Variants in NUBPL observed in about 807,000 individuals in gnomAD.
The protein encoded by NUBPL is NUBP iron-sulfur cluster assembly factor, mitochondrial.
Under a neutral mutation model 45.7 loss-of-function variants are expected in NUBPL, and 31 were observed. The ratio of observed to expected loss-of-function variants is 0.68; its 90% CI spans 0.51 to 0.92. The LOEUF (loss-of-function observed/expected upper bound fraction) is 0.92. Ranked by LOEUF, NUBPL falls within the 40% of genes least tolerant of loss-of-function variation. NUBPL has a pLI of 0.00. For synonymous variants in NUBPL, 144 were observed against 140.9 expected (o/e 1.02, Z -0.15); for missense variants, 401 against 398.7 (o/e 1.01, Z -0.05).
In NUBPL at chr14:31,650,137, G is replaced by T. The variant is rs116618637; in HGVS notation, c.383-23218G>T. Among the ~76,000 whole-genome samples, 860 of 152,176 alleles carry T rather than the reference G, an allele frequency of 5.7e-3. 10 individuals are homozygous for T. Among genetic ancestry groups the T allele is most frequent in the African/African-American group, 0.019 (808 of 41,526 alleles). On this transcript the variant is annotated intron_variant, in intron 4 of 10. Transcript: ENST00000281081. ...GCCTCCCAAGATTCACTTTTTCAGG[G>T]ATAATCATGTTGTCAAAAATATTAG...
At chr14:31,627,900 AC>A (rs2035248902) in intron 4 of NUBPL, among the ~76,000 whole-genome samples, 1 of 152,174 alleles carries the variant, frequency 6.6e-6, no homozygotes, top group Admixed American at 6.5e-5. Flanking sequence ...AGGCCCATAA[AC>A]TTGTTAATGT....
At chr14:31,699,152 G>A (rs1455098011) in intron 6 of NUBPL, among the ~76,000 whole-genome samples, 1 of 152,178 alleles carries the variant, frequency 6.6e-6, no homozygotes, top group African/African-American at 2.4e-5. Context: ...ACTGTGCCTG[G>A]CCCATAATGA....
intron 6 of NUBPL, among the ~76,000 whole-genome samples, chr14:31,770,307 C>A (rs1429203257): frequency 6.6e-6 from 1 of 152,084 alleles, no homozygotes; most frequent in East Asian, 1.9e-4. Context: ...CATAGTTTGG[C>A]AGGCAGGGTG....
intron 6 of NUBPL, among the ~76,000 whole-genome samples, chr14:31,746,446 T>C (rs936433721): frequency 6.6e-6 from 1 of 152,022 alleles, no homozygotes; most frequent in Non-Finnish European, 1.5e-5. Context: ...GTTGAGATGA[T>C]CATATAGTTT....
chr14:31,700,721 C>T (rs1053271636), intron 6 of NUBPL, among the ~76,000 whole-genome samples: 8 of 152,296 alleles, frequency 5.3e-5, no homozygotes, highest in African/African-American at 1.9e-4. Context: ...CTGGGTCCTC[C>T]AGCACTGCCG....
intron 7 of NUBPL, among the ~76,000 whole-genome samples, chr14:31,811,720 C>G (rs1038714813): frequency 2.0e-5 from 3 of 152,098 alleles, no homozygotes; most frequent in Non-Finnish European, 4.4e-5. Context: ...AGAATTTTTA[C>G]CTTTTCTGCT....
chr14:31,677,985 A>T (rs1293384250), intron 6 of NUBPL, among the ~76,000 whole-genome samples: 2 of 152,194 alleles, frequency 1.3e-5, no homozygotes, highest in Non-Finnish European at 2.9e-5. Flanking sequence ...GTGTTCTGTT[A>T]TACTGCTGCT....
At chr14:31,774,458 C>T (rs2039063606) in intron 6 of NUBPL, among the ~76,000 whole-genome samples, 1 of 152,138 alleles carries the variant, frequency 6.6e-6, no homozygotes, top group Admixed American at 6.5e-5. Context: ...CTTGTGTTCC[C>T]AGAATCTTTC....
intron 8 of NUBPL, among the ~76,000 whole-genome samples, chr14:31,841,938 T>TTG (rs2040381277): frequency 7.7e-6 from 1 of 130,382 alleles, no homozygotes; most frequent in East Asian, 2.1e-4. Flanking sequence ...TTTTTTTTTT[T>TTG]TTTTTTTTTT....
At chr14:31,672,110 C>T (rs1412410676) in intron 4 of NUBPL, among the ~76,000 whole-genome samples, 1 of 152,082 alleles carries the variant, frequency 6.6e-6, no homozygotes, top group African/African-American at 2.4e-5. Context: ...GATTTTTTTA[C>T]TTCACTATAA....
chr14:31,632,506 A>G (rs1178315838), intron 4 of NUBPL, among the ~76,000 whole-genome samples: 1 of 152,222 alleles, frequency 6.6e-6, no homozygotes, highest in Non-Finnish European at 1.5e-5. Context: ...TTTGGCAAAG[A>G]CAGCTAGGTT....
At chr14:31,773,635 A>G (rs772805690) in intron 6 of NUBPL, among the ~76,000 whole-genome samples, 47 of 152,184 alleles carry the variant, frequency 3.1e-4, no homozygotes, top group Non-Finnish European at 6.2e-4. Flanking sequence ...CTCTATACCA[A>G]TAGTGGCATG....
chr14:31,846,207 TTTCTC>T, intron 8 of NUBPL: 1 of 412,466 alleles, frequency 2.4e-6, no homozygotes, highest in South Asian at 2.2e-5. Flanking sequence ...AACTCAAAGA[TTTCTC>T]TTCTTTCTAG....
chr14:31,638,846 C>T (rs1415648253), intron 4 of NUBPL, among the ~76,000 whole-genome samples: 1 of 152,218 alleles, frequency 6.6e-6, no homozygotes, highest in Non-Finnish European at 1.5e-5. Flanking sequence ...CATCTTCCAT[C>T]ACTGATACCC....
chr14:31,736,867 A>G (rs1012931823), intron 6 of NUBPL, among the ~76,000 whole-genome samples: 1 of 152,128 alleles, frequency 6.6e-6, no homozygotes, highest in Non-Finnish European at 1.5e-5. Flanking sequence ...CACTTGGTTT[A>G]TCTGTTTCTG....
At chr14:31,736,801 C>T (rs150023290) in intron 6 of NUBPL, among the ~76,000 whole-genome samples, 37 of 152,180 alleles carry the variant, frequency 2.4e-4, no homozygotes, top group East Asian at 9.6e-4. Flanking sequence ...GTAATTGTAC[C>T]GATTTAATCT....
rs531127178 is a variant in NUBPL at position 31,859,551 on chromosome 14, G to A, written c.*371G>A. On this transcript the variant is annotated 3_prime_UTR_variant, in exon 11 of 11. Coordinates refer to ENST00000281081, the MANE Select transcript of NUBPL (RefSeq NM_025152.3). ...TAAATGATATACTAAATTTGTGTAT[G>A]GGCATAAGTATTACGCCTTCCCACC... 6 of 337,508 alleles carry A rather than the reference G, an allele frequency of 1.8e-5. No individual in the cohort carries two copies. The highest frequency in any genetic ancestry group is 1.3e-4 in the African/African-American group (6 of 46,650). The allele number at this position is 337,508 out of a possible 1,614,324, so 20.9% of individuals were successfully genotyped here.
intron 6 of NUBPL, among the ~76,000 whole-genome samples, chr14:31,738,684 C>T (rs919521): frequency 0.45 from 69,067 of 151,942 alleles, 16,788 homozygotes; most frequent in African/African-American, 0.64. Context: ...TGTTTTTTAA[C>T]TGATTAGGAA....
chr14:31,780,979 G>C (rs2039182236), intron 6 of NUBPL, among the ~76,000 whole-genome samples: 1 of 152,152 alleles, frequency 6.6e-6, no homozygotes, highest in African/African-American at 2.4e-5. Flanking sequence ...TACCAAATAA[G>C]CTTAATCATT....
Sources: gnomAD v4.1 joint callset for allele counts (sites outside exome capture counted in the v4.1 genomes callset) on GRCh38, gnomAD v4.1.1 for gene constraint, MANE v1.5 for transcripts, NCBI Gene and HGNC (gene_info 2026-07-23, HGNC 2026-07-21) for gene names.